Variants in RIMS1 observed in about 807,000 individuals in gnomAD.
RIMS1 encodes the protein regulating synaptic membrane exocytosis 1.
A neutral mutation model predicts 214.1 loss-of-function variants in RIMS1; 83 were observed. That is an observed-to-expected ratio of 0.39 (90% CI 0.32 to 0.47). The LOEUF (loss-of-function observed/expected upper bound fraction) is 0.47. RIMS1 is among the 20% of genes least tolerant of loss of function. The pLI, the probability that RIMS1 is intolerant of heterozygous loss-of-function variation, is 0.99. For synonymous variants in RIMS1, 793 were observed against 786.8 expected, an observed-to-expected ratio of 1.01 and a Z score of -0.13; for missense variants, 2,050 against 2,161.8, an observed-to-expected ratio of 0.95 and a Z score of 1.03.
chr6:72,287,923 A>G (rs1481482672), intron 24 of RIMS1, among the ~76,000 whole-genome samples: 1 of 152,206 alleles, frequency 6.6e-6, no homozygotes, highest in Non-Finnish European at 1.5e-5. Context: ...AATATACATA[A>G]TAGAGTAGGT....
intron 26 of RIMS1, among the ~76,000 whole-genome samples, chr6:72,300,351 A>G (rs1437005239): frequency 6.6e-6 from 1 of 151,814 alleles, no homozygotes; most frequent in Non-Finnish European, 1.5e-5. Flanking sequence ...TCTTTGATGT[A>G]TTTTCTCTAA....
chr6:72,010,163 G>A (rs1444909806), intron 2 of RIMS1, among the ~76,000 whole-genome samples: 1 of 152,112 alleles, frequency 6.6e-6, no homozygotes, highest in Non-Finnish European at 1.5e-5. Flanking sequence ...TGGGATGCAA[G>A]GCTTGTTCAA....
intron 6 of RIMS1, among the ~76,000 whole-genome samples, chr6:72,224,924 T>C (rs1242751290): frequency 1.3e-5 from 2 of 152,224 alleles, no homozygotes. Context: ...GTTTTATTAA[T>C]ATGGCTATCT....
chr6:72,223,883 G>A (rs567461521), intron 6 of RIMS1, among the ~76,000 whole-genome samples: 1 of 140,582 alleles, frequency 7.1e-6, no homozygotes, highest in East Asian at 2.4e-4. Context: ...GGGAGGTGGA[G>A]TTTGCAGTGA....
chr6:72,021,112 T>A (rs1018525477), intron 2 of RIMS1, among the ~76,000 whole-genome samples: 2 of 152,228 alleles, frequency 1.3e-5, no homozygotes, highest in Non-Finnish European at 2.9e-5. Flanking sequence ...AAGTTAATGA[T>A]CTTGCCCCAT....
chr6:72,172,789 C>G (rs970241903), intron 4 of RIMS1, among the ~76,000 whole-genome samples: 1 of 152,160 alleles, frequency 6.6e-6, no homozygotes, highest in Non-Finnish European at 1.5e-5. Context: ...CAAAATCGCA[C>G]TATGCATTTG....
At chr6:72,239,000 A>G (rs546664213) in intron 9 of RIMS1, among the ~76,000 whole-genome samples, 1 of 152,244 alleles carries the variant, frequency 6.6e-6, no homozygotes, top group South Asian at 2.1e-4. Context: ...ACAACTTTGA[A>G]TATGTATAGA....
intron 1 of RIMS1, among the ~76,000 whole-genome samples, chr6:71,938,914 T>C (rs530583654): frequency 6.6e-6 from 1 of 152,346 alleles, no homozygotes; most frequent in South Asian, 2.1e-4. Flanking sequence ...CTGTGAATTT[T>C]CCAAATCTTT....
intron 1 of RIMS1, among the ~76,000 whole-genome samples, chr6:71,899,692 G>A (rs779357536): frequency 2.0e-5 from 3 of 152,090 alleles, no homozygotes; most frequent in Non-Finnish European, 2.9e-5. Flanking sequence ...AGCCCTTTCT[G>A]TGGATTTTAT....
At chr6:72,375,588 T>A (rs1227297297) in intron 29 of RIMS1, among the ~76,000 whole-genome samples, 2 of 152,192 alleles carry the variant, frequency 1.3e-5, no homozygotes, top group Admixed American at 6.5e-5. Flanking sequence ...CATTTCTAGA[T>A]GATAATATTT....
At chr6:72,163,477 A>T (rs764961110) in intron 4 of RIMS1, among the ~76,000 whole-genome samples, 3 of 140,078 alleles carry the variant, frequency 2.1e-5, no homozygotes, top group Admixed American at 7.3e-5. Context: ...TTTAATTTCC[A>T]GTTTTTCTGC....
intron 2 of RIMS1, among the ~76,000 whole-genome samples, chr6:72,047,834 A>G (rs920499336): frequency 6.6e-6 from 1 of 152,206 alleles, no homozygotes; most frequent in Non-Finnish European, 1.5e-5. Context: ...TGACTGAATA[A>G]GTCAGTTGGA....
At chr6:72,097,284 A>AGGG in intron 3 of RIMS1, 122 bp downstream of exon 3, 1 of 799,030 alleles carries the variant, frequency 1.3e-6, no homozygotes, top group Non-Finnish European at 2.0e-6. Flanking sequence ...CGTTAAAATG[A>AGGG]ACCTCCCTCA....
intron 1 of RIMS1, among the ~76,000 whole-genome samples, chr6:71,929,930 T>C (rs1782571322): frequency 1.3e-5 from 2 of 152,016 alleles, no homozygotes; most frequent in African/African-American, 4.8e-5. Context: ...TTTGAGAACT[T>C]TTATTTGTAT....
chr6:72,214,673 A>T (rs1406063089), intron 6 of RIMS1, among the ~76,000 whole-genome samples: 1 of 152,150 alleles, frequency 6.6e-6, no homozygotes, highest in Non-Finnish European at 1.5e-5. Context: ...GTGTATTAAA[A>T]TGTTTTATTT....
Position 71,999,310 on chromosome 6 carries a change from A to T in RIMS1, c.245+30247A>T, listed in dbSNP as rs1247272664. Among the ~76,000 whole-genome samples the T allele has an allele frequency of 3.3e-5, 5 of 152,256 alleles. No homozygotes were observed. In the East Asian group the frequency reaches 9.6e-4, roughly 29 times the overall value. Reference sequence around the variant, plus strand: ...ACTCCCAGAAGAATACTAAATACTAATGATGATGACGATGATCCTTGTTTT... The same window carrying T: ...ACTCCCAGAAGAATACTAAATACTATTGATGATGACGATGATCCTTGTTTT... On this transcript the variant is annotated intron_variant, in intron 2 of 33. Transcript: ENST00000521978.
chr6:72,266,241 C>G, intron 22 of RIMS1, 192 bp downstream of exon 22: 1 of 603,596 alleles, frequency 1.7e-6, no homozygotes, highest in Non-Finnish European at 3.0e-6. Flanking sequence ...CAAGGGTACA[C>G]ATACACATAT....
intron 28 of RIMS1, among the ~76,000 whole-genome samples, chr6:72,331,830 T>C (rs1316927972): frequency 6.6e-6 from 1 of 151,872 alleles, no homozygotes; most frequent in East Asian, 1.9e-4. Flanking sequence ...GTTGAAAGAA[T>C]AAGAATCATT....
intron 28 of RIMS1, among the ~76,000 whole-genome samples, chr6:72,328,127 T>C (rs1056857713): frequency 6.6e-6 from 1 of 151,720 alleles, no homozygotes; most frequent in African/African-American, 2.4e-5. Flanking sequence ...TATGCAGCCA[T>C]AAAAGGGTGA....
Sources: gnomAD v4.1 joint callset for allele counts (sites outside exome capture counted in the v4.1 genomes callset) on GRCh38, gnomAD v4.1.1 for gene constraint, MANE v1.5 for transcripts, NCBI Gene and HGNC (gene_info 2026-07-23, HGNC 2026-07-21) for gene names.